Variants in NEK7 observed in about 807,000 individuals in gnomAD.
NEK7 encodes serine/threonine-protein kinase Nek7.
In NEK7, 18 loss-of-function variants were observed where a neutral mutation model predicts 44.6. The observed-to-expected ratio is 0.40, with a 90% confidence interval of 0.28 to 0.60. NEK7 has a LOEUF of 0.60. Among genes scored for constraint, NEK7 ranks in the 20% least tolerant of loss-of-function variants. The pLI is 0.38. For missense variants in NEK7, 256 were observed against 366.5 expected (o/e 0.70, Z 2.46); for synonymous variants, 130 against 121.1 (o/e 1.07, Z -0.48).
At chr1:198,293,070 A>T (rs1654608151) in intron 8 of NEK7, 31 bp downstream of exon 8, 2 of 1,130,058 alleles carry the variant, frequency 1.8e-6, no homozygotes, top group Admixed American at 1.7e-5. Context: ...CCAAATATTG[A>T]TGCAGTTTTA....
intron 9 of NEK7, among the ~76,000 whole-genome samples, chr1:198,309,236 T>A (rs1655102758): frequency 6.6e-6 from 1 of 151,800 alleles, no homozygotes. Context: ...GGAGGTGTTA[T>A]AAACAGAGGA....
At chr1:198,200,196 G>C (rs181477917) in intron 1 of NEK7, among the ~76,000 whole-genome samples, 120 of 152,196 alleles carry the variant, frequency 7.9e-4, no homozygotes, top group Non-Finnish European at 1.4e-3. Context: ...TCAGATTTCT[G>C]AGAAATTCTC....
At position 198,297,192 on chromosome 1, in the gene NEK7, A is replaced by G. The variant is rs1558100225; in HGVS notation, c.750A>G (p.Ile250Met). 1 of 1,613,662 alleles carries G rather than the reference A, an allele frequency of 6.2e-7. No individual in the cohort carries two copies. The highest frequency in any genetic ancestry group is 8.5e-7 in the Non-Finnish European group (1 of 1,179,746). Residue 250 changes from isoleucine (I) to methionine (M), a missense_variant, in exon 9 of 10, where the codon ATA (isoleucine) becomes ATG (methionine). This residue lies in a region of NEK7 where 58 missense variants were observed against 66.5 expected (regional missense o/e 0.87). Coordinates refer to ENST00000367385, the MANE Select transcript of NEK7 (RefSeq NM_133494.3). ...KMNLYSLCKKIEQCDYPPLPS... is the reference protein window; with the variant it reads ...KMNLYSLCKKMEQCDYPPLPS... ...ATTTATACTCACTGTGTAAGAAGAT[A>G]GAACAGTGTGACTACCCACCTCTTC...
At chr1:198,249,412 G>A (rs1297845882) in intron 2 of NEK7, among the ~76,000 whole-genome samples, 1 of 151,680 alleles carries the variant, frequency 6.6e-6, no homozygotes, top group Non-Finnish European at 1.5e-5. Flanking sequence ...ACCCAGTAAT[G>A]GGATGGCTGG....
chr1:198,213,035 C>A (rs1665821537), intron 1 of NEK7, among the ~76,000 whole-genome samples: 1 of 152,158 alleles, frequency 6.6e-6, no homozygotes, highest in African/African-American at 2.4e-5. Flanking sequence ...TCTACATCTT[C>A]CCGCCCACCC....
intron 1 of NEK7, among the ~76,000 whole-genome samples, chr1:198,172,826 T>G (rs1406821913): frequency 6.6e-6 from 1 of 152,198 alleles, no homozygotes. Context: ...AGAGTCCTAT[T>G]TAAGCAAAGA....
intron 3 of NEK7, among the ~76,000 whole-genome samples, chr1:198,256,707 A>G (rs1224566995): frequency 6.6e-6 from 1 of 152,152 alleles, no homozygotes; most frequent in Non-Finnish European, 1.5e-5. Flanking sequence ...TGGGGGTACA[A>G]CAAAGACACC....
At chr1:198,227,203 C>CT (rs1335702576) in intron 1 of NEK7, among the ~76,000 whole-genome samples, 1 of 152,076 alleles carries the variant, frequency 6.6e-6, no homozygotes, top group African/African-American at 2.4e-5. Flanking sequence ...TGAACTCATC[C>CT]TTTTTTACGG....
At chr1:198,242,826 TA>T (rs750940341) in intron 2 of NEK7, among the ~76,000 whole-genome samples, 56 of 149,358 alleles carry the variant, frequency 3.7e-4, no homozygotes, top group East Asian at 2.5e-3. Flanking sequence ...TTTTTGTATT[TA>T]ATTTTTTTTT....
At chr1:198,185,425 A>C (rs1207497147) in intron 1 of NEK7, among the ~76,000 whole-genome samples, 1 of 152,058 alleles carries the variant, frequency 6.6e-6, no homozygotes, top group East Asian at 1.9e-4. Context: ...ATATTCCTCT[A>C]GCAGGGAGCA....
chr1:198,181,142 A>G (rs953355076), intron 1 of NEK7, among the ~76,000 whole-genome samples: 2 of 152,144 alleles, frequency 1.3e-5, no homozygotes, highest in African/African-American at 4.8e-5. Flanking sequence ...TCAGAAAAAC[A>G]GCAACAACAA....
At chr1:198,266,174 T>G (rs1653645887) in intron 5 of NEK7, among the ~76,000 whole-genome samples, 1 of 152,144 alleles carries the variant, frequency 6.6e-6, no homozygotes, top group Non-Finnish European at 1.5e-5. Context: ...TCATTTTTTA[T>G]TCTTACAGAG....
chr1:198,302,889 C>A (rs1231867186), intron 9 of NEK7, among the ~76,000 whole-genome samples: 1 of 152,110 alleles, frequency 6.6e-6, no homozygotes, highest in Admixed American at 6.5e-5. Flanking sequence ...GTTTGTGTTA[C>A]AAGAACACAG....
intron 1 of NEK7, among the ~76,000 whole-genome samples, chr1:198,173,111 G>A (rs1173201524): frequency 4.6e-5 from 7 of 152,034 alleles, no homozygotes; most frequent in African/African-American, 1.4e-4. Context: ...GTGTGTTGGG[G>A]GCCTTGTCCA....
intron 1 of NEK7, among the ~76,000 whole-genome samples, chr1:198,162,713 ACTTC>A (rs1214713497): frequency 6.6e-6 from 1 of 151,598 alleles, no homozygotes; most frequent in Non-Finnish European, 1.5e-5. Flanking sequence ...TGCCATTTCC[ACTTC>A]CTCTGCTTGA....
intron 1 of NEK7, among the ~76,000 whole-genome samples, chr1:198,185,104 A>G (rs908103123): frequency 1.2e-4 from 18 of 151,606 alleles, no homozygotes; most frequent in African/African-American, 4.1e-4. Flanking sequence ...ACAAGCAAGC[A>G]TCGAATATAG....
At chr1:198,261,912 G>C (rs1482490818) in intron 3 of NEK7, among the ~76,000 whole-genome samples, 1 of 151,686 alleles carries the variant, frequency 6.6e-6, no homozygotes, top group Non-Finnish European at 1.5e-5. Context: ...CAGTATATCT[G>C]TTTATGTGTA....
At chr1:198,179,949 T>C (rs1412044582) in intron 1 of NEK7, among the ~76,000 whole-genome samples, 1 of 152,146 alleles carries the variant, frequency 6.6e-6, no homozygotes, top group Non-Finnish European at 1.5e-5. Context: ...TTGGTTAAGT[T>C]GTGTAACTTC....
chr1:198,252,418 C>A (rs912078126), intron 2 of NEK7, among the ~76,000 whole-genome samples: 2 of 150,698 alleles, frequency 1.3e-5, no homozygotes, highest in African/African-American at 4.9e-5. Flanking sequence ...GAGTTCAATT[C>A]CTGGGTATCC....
Sources: allele counts gnomAD v4.1 joint callset (sites outside exome capture counted in the v4.1 genomes callset), GRCh38; gene constraint gnomAD v4.1.1; regional missense constraint gnomAD v4.1.1; transcripts MANE v1.5; gene names NCBI Gene and HGNC (gene_info 2026-07-23, HGNC 2026-07-21).